The following BOC variants were observed in gnomAD, a reference collection of about 807,000 sequenced individuals.
The protein encoded by BOC is BOC cell adhesion associated, oncogene regulated, also known as brother of CDO.
A neutral mutation model predicts 112.0 loss-of-function variants in BOC; 76 were observed. The observed-to-expected ratio is 0.68, with a 90% confidence interval of 0.56 to 0.82. The LOEUF (loss-of-function observed/expected upper bound fraction) is 0.82. Among genes scored for constraint, BOC ranks in the 40% least tolerant of loss-of-function variants. BOC has a pLI of 0.00. For synonymous variants in BOC, 580 were observed against 599.8 expected (o/e 0.97, Z 0.48); for missense variants, 1,309 against 1,511.7 (o/e 0.87, Z 2.22).
At chr3:113,242,076 C>T (rs958203868) in intron 2 of BOC, among the ~76,000 whole-genome samples, 11 of 150,320 alleles carry the variant, frequency 7.3e-5, no homozygotes, top group African/African-American at 4.9e-5. Flanking sequence ...AGATGGAATT[C>T]GTGTTAAAGA....
At chr3:113,280,173 T>C (rs1200571349) in intron 13 of BOC, among the ~76,000 whole-genome samples, 168 bp downstream of exon 13, 1 of 152,130 alleles carries the variant, frequency 6.6e-6, no homozygotes. Flanking sequence ...CTGTTGATTC[T>C]GGTGCCTTGA....
chr3:113,271,963 A>T (rs566810699), intron 6 of BOC: 16 of 192,764 alleles, frequency 8.3e-5, no homozygotes, highest in African/African-American at 3.7e-4. Context: ...TGAGATGCTC[A>T]CTGAGAGACA....
intron 3 of BOC, among the ~76,000 whole-genome samples, chr3:113,250,157 A>C (rs1945435875): frequency 6.6e-6 from 1 of 152,198 alleles, no homozygotes; most frequent in Non-Finnish European, 1.5e-5. Context: ...TTTATTGTGC[A>C]CTTACTGTAC....
intron 4 of BOC, among the ~76,000 whole-genome samples, chr3:113,265,676 G>A (rs1947401737): frequency 6.6e-6 from 1 of 152,234 alleles, no homozygotes; most frequent in Non-Finnish European, 1.5e-5. Flanking sequence ...TTCTCTGAGA[G>A]AAAACTCATT....
chr3:113,233,549 G>A (rs543830918), intron 2 of BOC, among the ~76,000 whole-genome samples: 120 of 152,170 alleles, frequency 7.9e-4, no homozygotes, highest in African/African-American at 2.7e-3. Flanking sequence ...TACAGTGCTC[G>A]CTTCTCTCCA....
At chr3:113,236,757 T>C (rs754575855) in intron 2 of BOC, among the ~76,000 whole-genome samples, 8 of 152,236 alleles carry the variant, frequency 5.3e-5, no homozygotes, top group South Asian at 4.1e-4. Flanking sequence ...TAAAGGATGT[T>C]GATCTATAAG....
At chr3:113,267,735 C>CT (rs964340307) in intron 4 of BOC, among the ~76,000 whole-genome samples, 26 of 151,810 alleles carry the variant, frequency 1.7e-4, no homozygotes, top group South Asian at 8.3e-4. Flanking sequence ...GAAGGCTGTT[C>CT]TTTTTTTTTG....
intron 2 of BOC, among the ~76,000 whole-genome samples, chr3:113,233,148 G>GGGGTGTGTGTGT (rs75678874): frequency 3.1e-4 from 38 of 124,030 alleles, no homozygotes; most frequent in Admixed American, 6.0e-4. Flanking sequence ...AAAGGATTGG[G>GGGGTGTGTGTGT]GTGTGTGTGT....
chr3:113,279,167 G>A lies in BOC; in HGVS notation c.1817-82G>A, dbSNP rs556131500. The A allele has an allele frequency of 5.7e-6, 8 of 1,412,658 alleles. No homozygotes were observed. The East Asian group carries it at 1.7e-4, about 29-fold the overall frequency. The allele number at this position is 1,412,658 out of a possible 1,614,324, so 87.5% of individuals were successfully genotyped here. A position where few individuals can be genotyped will look rare whatever the true frequency, so the allele number is the denominator to read the frequency against. ...GTCAGGAGCAGGCCAGGCCCAGTGG[G>A]CATACAGCGTCATCTCACCCTGCTT... On this transcript the variant is annotated intron_variant, in intron 11 of 19. Transcript: ENST00000682979.
intron 2 of BOC, among the ~76,000 whole-genome samples, chr3:113,217,245 G>A (rs766942656): frequency 2.6e-5 from 4 of 152,256 alleles, no homozygotes; most frequent in Non-Finnish European, 5.9e-5. Flanking sequence ...GCCTGGCAGA[G>A]TGGCTCATGC....
chr3:113,270,914 T>G lies in BOC; in HGVS notation c.637T>G (p.Ser213Ala), dbSNP rs1438857931. ...YNPVTQEVKT[S>A]GSSDRLRVRR... ...CCCAGTGACCCAGGAAGTGAAAACC[T>G]CCGGCTCCAGCGACAGGCTACGTGT... Residue 213 changes from serine to alanine, a missense_variant, in exon 6 of 20, where the codon TCC (serine) becomes GCC (alanine). Transcript: ENST00000682979. 11 of 1,614,024 alleles carry G rather than the reference T, an allele frequency of 6.8e-6. No individual in the cohort carries two copies. Among genetic ancestry groups the G allele is most frequent in the Non-Finnish European group, 8.5e-6 (10 of 1,180,032 alleles).
intron 4 of BOC, chr3:113,251,238 A>T (rs776126928): frequency 1.3e-5 from 5 of 375,868 alleles, no homozygotes; most frequent in Non-Finnish European, 2.4e-5. Flanking sequence ...CCACAGTTAC[A>T]GTCGGAGCAG....
rs148190244 is a variant in BOC at position 113,250,749 on chromosome 3, A to C, written c.292A>C (p.Asn98His). 1.2e-6 allele frequency: 2 copies of C among 1,613,944 alleles called. No homozygotes were observed. The highest frequency in any genetic ancestry group is 2.7e-5 in the African/African-American group (2 of 74,884). Reference protein sequence around the residue: ...HGTLVITALNNHTVGRYQCVA... With the variant: ...HGTLVITALNHHTVGRYQCVA... ...GACCCTCGTCATCACTGCCCTTAAC[A>C]ACCACACTGTGGGACGGTACCAGTG... The change falls in exon 4 of 20, where the codon AAC (asparagine) becomes CAC (histidine). Residue 98 changes from asparagine (N) to histidine (H), a missense_variant. Asn to His is a moderately conservative substitution (Grantham distance 68). Coordinates refer to ENST00000682979, the MANE Select transcript of BOC (RefSeq NM_001378074.1).
At chr3:113,277,531 C>T (rs1484739599) in intron 9 of BOC, among the ~76,000 whole-genome samples, 1 of 152,178 alleles carries the variant, frequency 6.6e-6, no homozygotes, top group Non-Finnish European at 1.5e-5. Flanking sequence ...ACCTTAGTCT[C>T]CCTATTTGTG....
intron 4 of BOC, among the ~76,000 whole-genome samples, chr3:113,262,429 C>G (rs1046795564): frequency 1.3e-5 from 2 of 152,250 alleles, no homozygotes; most frequent in South Asian, 4.1e-4. Flanking sequence ...AATTCTGCAG[C>G]ACCTGGCTTG....
At position 113,270,901 on chromosome 3, in the gene BOC, G is replaced by T; in HGVS notation, c.624G>T (p.Gln208His). ...YKCAAYNPVT[Q>H]EVKTSGSSDR... The stretch of plus-strand genomic sequence containing the variant: ...GTGCAGCCTACAACCCAGTGACCCA[G>T]GAAGTGAAAACCTCCGGCTCCAGCG... Residue 208 changes from glutamine (Q) to histidine (H), a missense_variant, in exon 6 of 20, where the codon CAG becomes CAT. Physicochemically the swap from Gln to His is conservative, Grantham distance 24. Transcript: ENST00000682979. 6.2e-7 allele frequency: 1 copy of T among 1,614,240 alleles called. No individual in the cohort carries two copies. The highest frequency in any genetic ancestry group is 8.5e-7 in the Non-Finnish European group (1 of 1,180,050).
In BOC at chr3:113,250,466, G is replaced by A. The variant is rs1273533827; in HGVS notation, c.98-89G>A. On this transcript the variant is annotated intron_variant, in intron 3 of 19. Transcript: ENST00000682979. Reference sequence around the variant, plus strand: ...CCAGCTTCTCTGGTGGCCACTTCTGGAAGACTTCCTGGGTGCAGTGCTTCT... The same window carrying A: ...CCAGCTTCTCTGGTGGCCACTTCTGAAAGACTTCCTGGGTGCAGTGCTTCT... 11 of 1,475,952 alleles carry A rather than the reference G, an allele frequency of 7.5e-6. No homozygotes were observed. The African/African-American group carries it at 1.3e-4, about 17-fold the overall frequency. 91.4% of individuals were successfully genotyped at this position (1,475,952 alleles called of 1,614,324 possible).
rs115429488 is a variant in BOC, at chr3:113,257,492, C to G, written c.376+6659C>G. ...TTTAATTTGGGCTATCTTATTAAGA[C>G]TATCCTTTCCTAATTTTCCCCTAGT... is the stretch of plus-strand genomic sequence containing the variant. On this transcript the variant is annotated intron_variant, in intron 4 of 19. Transcript: ENST00000682979. 9.3e-3 allele frequency among the ~76,000 whole-genome samples: 1,420 copies of G among 152,232 alleles called. 24 individuals carry two copies. Among genetic ancestry groups the G allele is most frequent in the Non-Finnish European group, 9.9e-3 (673 of 68,022 alleles).
chr3:113,271,075 G>C (rs1488322231), intron 6 of BOC, 131 bp downstream of exon 6: 1 of 1,385,376 alleles, frequency 7.2e-7, no homozygotes, highest in African/African-American at 1.4e-5. Flanking sequence ...CTTTGGCCAG[G>C]GGGACAGCCA....
Sources: gnomAD v4.1 joint callset for allele counts (sites outside exome capture counted in the v4.1 genomes callset) on GRCh38, gnomAD v4.1.1 for gene constraint, MANE v1.5 for transcripts, NCBI Gene and HGNC (gene_info 2026-07-23, HGNC 2026-07-21) for gene names.